The following TDRD1 variants were observed in gnomAD, a reference collection of about 807,000 sequenced individuals.
The protein encoded by TDRD1 is tudor domain containing 1.
Under a neutral mutation model 140.6 loss-of-function variants are expected in TDRD1, and 37 were observed. The ratio of observed to expected loss-of-function variants is 0.26; its 90% CI spans 0.20 to 0.35. The LOEUF (loss-of-function observed/expected upper bound fraction) is 0.35, where lower values mean the gene tolerates loss of function less well. Ranked by LOEUF, TDRD1 falls within the 10% of genes least tolerant of loss-of-function variation. The pLI is 1.00. For missense variants in TDRD1, 1,243 were observed against 1,393.0 expected, an observed-to-expected ratio of 0.89 and a Z score of 1.71; for synonymous variants, 506 against 475.7, an observed-to-expected ratio of 1.06 and a Z score of -0.83.
At chr10:114,205,695 A>G (rs947201474) in intron 10 of TDRD1, among the ~76,000 whole-genome samples, 2 of 152,146 alleles carry the variant, frequency 1.3e-5, no homozygotes, top group African/African-American at 4.8e-5. Flanking sequence ...TAGAGGGTAG[A>G]ATGGTTACCA....
chr10:114,188,217 A>AGT (rs1317330557), intron 2 of TDRD1, 61 bp downstream of exon 2: 3 of 1,445,992 alleles, frequency 2.1e-6, no homozygotes, highest in East Asian at 4.6e-5. Context: ...ACTTACCAGA[A>AGT]GTATATATAA....
chr10:114,204,777 A>G, exon 10 of TDRD1: 1 of 1,604,146 alleles, frequency 6.2e-7, no homozygotes, highest in Non-Finnish European at 8.5e-7. Context: ...TGGAGCAGTG[A>G]TTGTATCAAA....
chr10:114,204,741 C>A (rs1158959511), exon 10 of TDRD1: 1 of 1,590,182 alleles, frequency 6.3e-7, no homozygotes, highest in Admixed American at 1.8e-5. Flanking sequence ...TGCTTTGTAG[C>A]CAATGTTATC....
intron 4 of TDRD1, among the ~76,000 whole-genome samples, chr10:114,199,826 G>C (rs1449245348): frequency 1.3e-5 from 2 of 152,178 alleles, no homozygotes; most frequent in East Asian, 3.8e-4. Context: ...GTATCTCATT[G>C]TATGGTTATA....
rs963587919 is a variant in TDRD1, at chr10:114,206,619, T to G, written c.1384+289T>G. ...CTTTAGAGTTAGGGTTTGTTTTTTT[T>G]TTTTTTTTTTTGAGATGGAGTTTCA... On this transcript the variant is annotated intron_variant, in intron 11 of 25. Coordinates refer to ENST00000251864, the Ensembl canonical transcript of TDRD1. Among the ~76,000 whole-genome samples, 97 of 150,182 alleles carry G rather than the reference T, an allele frequency of 6.5e-4. 1 individual carries two copies. The South Asian group carries it at 8.8e-3, about 14-fold the overall frequency.
At chr10:114,218,660 G>A in intron 18 of TDRD1, 76 bp downstream of exon 18, 11 of 1,044,816 alleles carry the variant, frequency 1.1e-5, no homozygotes, top group Non-Finnish European at 1.5e-5. Context: ...TATCTACAAT[G>A]TTAACATTTC....
chr10:114,211,940 T>C, exon 14 of TDRD1: 1 of 1,612,502 alleles, frequency 6.2e-7, no homozygotes. Context: ...ATATGTAGAT[T>C]ATGGAAACTT....
chr10:114,203,113 G>T, exon 7 of TDRD1: 1 of 1,613,914 alleles, frequency 6.2e-7, no homozygotes, highest in South Asian at 1.1e-5. Context: ...TAGCCATTTG[G>T]GCTGAGAGAA....
intron 7 of TDRD1, 100 bp downstream of exon 7, chr10:114,203,276 C>G: frequency 5.4e-6 from 8 of 1,487,600 alleles, no homozygotes; most frequent in Non-Finnish European, 7.3e-6. Context: ...AAAACATAAA[C>G]ATTGCAAAAA....
intron 21 of TDRD1, among the ~76,000 whole-genome samples, chr10:114,223,137 C>T (rs764886641): frequency 2.0e-5 from 3 of 152,154 alleles, no homozygotes; most frequent in Non-Finnish European, 4.4e-5. Flanking sequence ...TAACAAATTT[C>T]GTATGCTAAT....
At chr10:114,206,433 G>A (rs1425277237) in intron 11 of TDRD1, 103 bp downstream of exon 11, 7 of 788,386 alleles carry the variant, frequency 8.9e-6, no homozygotes, top group African/African-American at 3.5e-5. Flanking sequence ...ACTTGTTAAC[G>A]ATAAACATCC....
At chr10:114,200,384 G>A (rs1436817934) in intron 4 of TDRD1, among the ~76,000 whole-genome samples, 1 of 152,096 alleles carries the variant, frequency 6.6e-6, no homozygotes, top group East Asian at 1.9e-4. Context: ...TGTTGTTGTT[G>A]TTGTTGTTTT....
intron 16 of TDRD1, among the ~76,000 whole-genome samples, chr10:114,216,119 TCTC>T (rs1162653729): frequency 1.3e-5 from 2 of 152,160 alleles, no homozygotes; most frequent in African/African-American, 4.8e-5. Context: ...TCACCCAGCT[TCTC>T]CTGTAGTTAG....
At chr10:114,177,370 A>G (rs1245421058), upstream of TDRD1, among the ~76,000 whole-genome samples, 2 of 152,232 alleles carry the variant, frequency 1.3e-5, no homozygotes, top group Non-Finnish European at 2.9e-5. Context: ...TGTCATAATC[A>G]TATTCATAGG....
At chr10:114,203,095 T>C (rs1225989533) in exon 7 of TDRD1, 3 of 1,613,618 alleles carry the variant, frequency 1.9e-6, no homozygotes, top group African/African-American at 2.7e-5. Flanking sequence ...TTGGAGTTAC[T>C]AAGGAAATAG....
At chr10:114,187,799 G>T in intron 1 of TDRD1, 27 bp from the exon 2 acceptor site, 3 of 1,505,170 alleles carry the variant, frequency 2.0e-6, no homozygotes, top group Non-Finnish European at 2.7e-6. Context: ...ATTAAAAGTT[G>T]TCTCTTAAAT....
intron 2 of TDRD1, among the ~76,000 whole-genome samples, chr10:114,188,797 C>T (rs771131568): frequency 2.1e-5 from 3 of 146,288 alleles, no homozygotes; most frequent in East Asian, 2.1e-4. Flanking sequence ...GCAGAGGTTG[C>T]GGTGAGCTGA....
intron 15 of TDRD1, 39 bp from the exon 16 acceptor site, chr10:114,213,938 C>T: frequency 1.9e-6 from 3 of 1,610,644 alleles, no homozygotes; most frequent in Non-Finnish European, 8.5e-7. Flanking sequence ...CTACATCCCT[C>T]CTCCACTATG....
intron 1 of TDRD1, among the ~76,000 whole-genome samples, chr10:114,180,804 A>T (rs2032990681): frequency 1.3e-5 from 2 of 152,204 alleles, no homozygotes; most frequent in Admixed American, 1.3e-4. Flanking sequence ...GTTCTTGCAG[A>T]ATACATGGGG....
Sources: allele counts gnomAD v4.1 joint callset (sites outside exome capture counted in the v4.1 genomes callset), GRCh38; gene constraint gnomAD v4.1.1; transcripts MANE v1.5; gene names NCBI Gene and HGNC (gene_info 2026-07-23, HGNC 2026-07-21).